Variants in GSG1L observed in about 807,000 individuals in gnomAD.
GSG1L encodes the protein germ cell-specific gene 1-like protein.
GSG1L carries 24 observed loss-of-function variants against 42.1 expected under a neutral mutation model. The ratio of observed to expected loss-of-function variants is 0.57; its 90% CI spans 0.41 to 0.80. GSG1L has a LOEUF of 0.80. GSG1L is among the 30% of genes least tolerant of loss of function. The pLI is 0.00. For synonymous variants in GSG1L, 215 were observed against 203.5 expected, an observed-to-expected ratio of 1.06 and a Z score of -0.48; for missense variants, 445 against 472.2, an observed-to-expected ratio of 0.94 and a Z score of 0.53.
chr16:27,955,014 G>A (rs529019105), intron 2 of GSG1L, among the ~76,000 whole-genome samples: 1 of 152,108 alleles, frequency 6.6e-6, no homozygotes, highest in African/African-American at 2.4e-5. Context: ...GAAGTCCATT[G>A]GCCAATATTC....
Position 27,974,628 on chromosome 16 carries a change from G to A in GSG1L, c.350-11425C>T, listed in dbSNP as rs1436030262. On this transcript the variant is annotated intron_variant, in intron 1 of 6. Coordinates refer to ENST00000447459, the MANE Select transcript of GSG1L (RefSeq NM_001109763.2). ...TTAAAGAGAAATGCCATGTGTGACT[G>A]CCCTCACCATCACACACCATTGCAT... Among the ~76,000 whole-genome samples, 3 of 152,190 alleles carry A rather than the reference G, an allele frequency of 2.0e-5. No homozygotes were observed. In the South Asian group the frequency reaches 6.2e-4, roughly 32 times the overall value.
intron 1 of GSG1L, among the ~76,000 whole-genome samples, chr16:28,055,941 C>A (rs2086273951): frequency 6.6e-6 from 1 of 152,072 alleles, no homozygotes; most frequent in South Asian, 2.1e-4. Context: ...ACGTGAGCTC[C>A]CCACAGGATC....
chr16:28,044,324 G>A (rs1202450670), intron 1 of GSG1L, among the ~76,000 whole-genome samples: 1 of 151,630 alleles, frequency 6.6e-6, no homozygotes, highest in Non-Finnish European at 1.5e-5. Context: ...AAGGAAAGAA[G>A]GAAAGAAGGA....
At chr16:27,934,412 G>A (rs1325954010) in intron 2 of GSG1L, among the ~76,000 whole-genome samples, 1 of 152,198 alleles carries the variant, frequency 6.6e-6, no homozygotes, top group African/African-American at 2.4e-5. Flanking sequence ...GCAGGTGCCT[G>A]TAATCTCAGC....
chr16:27,954,458 A>T (rs1392510719), intron 2 of GSG1L, among the ~76,000 whole-genome samples: 8 of 152,154 alleles, frequency 5.3e-5, no homozygotes, highest in South Asian at 4.1e-4. Flanking sequence ...TCCATACTGA[A>T]AACCAAGAAT....
intron 2 of GSG1L, among the ~76,000 whole-genome samples, chr16:27,919,603 A>G (rs971384693): frequency 1.3e-5 from 2 of 152,066 alleles, no homozygotes; most frequent in Non-Finnish European, 2.9e-5. Context: ...AGAATCCAGT[A>G]CTCATCATGG....
At chr16:28,039,094 T>C (rs1217735573) in intron 1 of GSG1L, among the ~76,000 whole-genome samples, 1 of 152,114 alleles carries the variant, frequency 6.6e-6, no homozygotes, top group Non-Finnish European at 1.5e-5. Context: ...AATAAGTGGG[T>C]TTCATCTAAA....
At position 28,051,284 on chromosome 16, in the gene GSG1L, A is replaced by G. The variant is rs11860377; in HGVS notation, c.349+11792T>C. The stretch of plus-strand genomic sequence containing the variant: ...TAGCAGAACCTTAAGGGATAGACAA[A>G]GATCAGCAACTAGAAAGCAGGGCTC... On this transcript the variant is annotated intron_variant, in intron 1 of 6. Coordinates refer to ENST00000447459, the MANE Select transcript of GSG1L (RefSeq NM_001109763.2). Among the ~76,000 whole-genome samples the G allele has an allele frequency of 9.2e-3, 1,394 of 152,294 alleles. 26 individuals are homozygous for G. The highest frequency in any genetic ancestry group is 0.032 in the African/African-American group (1,313 of 41,556).
rs536782591 is a variant in GSG1L at position 27,871,524 on chromosome 16, G to A, written c.550+12962C>T. On this transcript the variant is annotated intron_variant, in intron 3 of 6. Coordinates refer to ENST00000447459, the MANE Select transcript of GSG1L (RefSeq NM_001109763.2). The stretch of plus-strand genomic sequence containing the variant: ...AGGTGTGGTGGCACACGTGGTCCCA[G>A]CTACTCAGGAGGTTGAGGTGGAAGG... Among the ~76,000 whole-genome samples the A allele has an allele frequency of 2.0e-4, 31 of 152,156 alleles. No homozygotes were observed. In the South Asian group the frequency reaches 6.1e-3, roughly 30 times the overall value.
intron 1 of GSG1L, among the ~76,000 whole-genome samples, chr16:27,973,922 C>T (rs1470063123): frequency 6.6e-6 from 1 of 152,172 alleles, no homozygotes; most frequent in Non-Finnish European, 1.5e-5. Flanking sequence ...TGGGTCCTGG[C>T]CCTGCGCCTT....
chr16:27,796,678 C>T (rs1347255559), intron 6 of GSG1L, among the ~76,000 whole-genome samples: 2 of 152,192 alleles, frequency 1.3e-5, no homozygotes, highest in Non-Finnish European at 2.9e-5. Context: ...CTCAGGCGGG[C>T]TGTTTTAGGA....
At chr16:27,987,945 CAAAAAAAA>C (rs56395297) in intron 1 of GSG1L, among the ~76,000 whole-genome samples, 1 of 92,842 alleles carries the variant, frequency 1.1e-5, no homozygotes, top group East Asian at 3.7e-4. Flanking sequence ...GACTCCGTCT[CAAAAAAAA>C]AAAAAAAAAA....
intron 6 of GSG1L, among the ~76,000 whole-genome samples, chr16:27,799,233 C>CAAAAAAAAAAA (rs5816445): frequency 7.5e-6 from 1 of 133,620 alleles, no homozygotes. Flanking sequence ...CCATATCTAC[C>CAAAAAAAAAAA]AAAAAAAAAA....
chr16:27,800,761 G>A (rs58707044), intron 6 of GSG1L, among the ~76,000 whole-genome samples: 3,354 of 152,264 alleles, frequency 0.022, 126 homozygotes, highest in African/African-American at 0.077. Context: ...GGAGAAACGT[G>A]GAGGTTGACA....
At chr16:27,933,321 A>C (rs1366361367) in intron 2 of GSG1L, among the ~76,000 whole-genome samples, 1 of 152,042 alleles carries the variant, frequency 6.6e-6, no homozygotes, top group Non-Finnish European at 1.5e-5. Context: ...CCTAGAAATC[A>C]TACTGGGGAG....
chr16:27,923,334 C>T (rs1420960324), intron 2 of GSG1L, among the ~76,000 whole-genome samples: 1 of 152,178 alleles, frequency 6.6e-6, no homozygotes, highest in Non-Finnish European at 1.5e-5. Flanking sequence ...GGATCATCCT[C>T]ACTCCCACAG....
chr16:28,028,918 G>C (rs936126078), intron 1 of GSG1L, among the ~76,000 whole-genome samples: 10 of 152,212 alleles, frequency 6.6e-5, no homozygotes. Context: ...CTCAGACGCT[G>C]CAGCAGTGAC....
chr16:27,801,976 G>T (rs557944721), intron 6 of GSG1L, among the ~76,000 whole-genome samples: 135 of 152,092 alleles, frequency 8.9e-4, no homozygotes, highest in Non-Finnish European at 1.7e-3. Flanking sequence ...GGCTGTTTCC[G>T]TAATCAAATG....
intron 1 of GSG1L, among the ~76,000 whole-genome samples, chr16:28,036,202 C>G (rs902105684): frequency 3.3e-5 from 5 of 152,152 alleles, no homozygotes; most frequent in Admixed American, 6.5e-5. Context: ...TGGCTCCCCA[C>G]CACGTGGTCA....
Sources: allele counts gnomAD v4.1 joint callset (sites outside exome capture counted in the v4.1 genomes callset), GRCh38; gene constraint gnomAD v4.1.1; transcripts MANE v1.5; gene names NCBI Gene and HGNC (gene_info 2026-07-23, HGNC 2026-07-21).